ANK2: variants seen among roughly 807,000 people sequenced by gnomAD.
ANK2 encodes ankyrin-2.
In ANK2, 83 loss-of-function variants were observed where a neutral mutation model predicts 360.5. The observed-to-expected ratio is 0.23, with a 90% CI of 0.19 to 0.28. The LOEUF (loss-of-function observed/expected upper bound fraction) is 0.28. Among genes scored for constraint, ANK2 ranks in the 10% least tolerant of loss-of-function variants. The pLI, the probability that ANK2 is intolerant of heterozygous loss-of-function variation, is 1.00. For synonymous variants in ANK2, 1,740 were observed against 1,759.5 expected, an observed-to-expected ratio of 0.99 and a Z score of 0.28; for missense variants, 4,201 against 4,795.7, an observed-to-expected ratio of 0.88 and a Z score of 3.66.
chr4:112,842,120 C>T (rs891822453), intron 1 of ANK2, among the ~76,000 whole-genome samples: 3 of 152,040 alleles, frequency 2.0e-5, no homozygotes, highest in African/African-American at 7.2e-5. Flanking sequence ...AGTGATTCTC[C>T]TGCCTCAGCC....
Position 113,358,863 on chromosome 4 carries a change from A to G in ANK2, c.10245A>G (p.Thr3415=), listed in dbSNP as rs993871776. 3 of 1,614,004 alleles carry G rather than the reference A, an allele frequency of 1.9e-6. No individual in the cohort carries two copies. The highest frequency in any genetic ancestry group is 2.5e-6 in the Non-Finnish European group (3 of 1,179,968). Residue 3415 remains threonine, a synonymous_variant, in exon 38 of 46, where the codon ACA becomes ACG. Transcript: ENST00000357077. ...CCCGAAGTTACACTGAGACAGAAAC[A>G]GAGAGCAGAGAGAGGGCCGAGGAAC... The part of the protein sequence containing the change: ...VKTRSYTETE[T]ESRERAEELE...
rs1027082807 is a variant in ANK2 at position 113,201,817 on chromosome 4, C to T, written c.384+2708C>T. 5.9e-5 allele frequency among the ~76,000 whole-genome samples: 9 copies of T among 152,162 alleles called. No homozygotes were observed. The East Asian group carries it at 1.5e-3, about 26-fold the overall frequency. ...CTAAAACCATTTAATCATTAACTCGCTTTCAGAGTCAGAGGCTTTTATTTA... is the reference window on the plus strand; with the variant it reads ...CTAAAACCATTTAATCATTAACTCGTTTTCAGAGTCAGAGGCTTTTATTTA... On this transcript the variant is annotated intron_variant, in intron 4 of 45. Coordinates refer to ENST00000357077, the MANE Select transcript of ANK2 (RefSeq NM_001148.6).
At chr4:113,299,138 A>C (rs1263312539) in intron 22 of ANK2, among the ~76,000 whole-genome samples, 1 of 152,184 alleles carries the variant, frequency 6.6e-6, no homozygotes, top group Non-Finnish European at 1.5e-5. Flanking sequence ...GCATTCAGTG[A>C]CCAAACTGAA....
At chr4:113,256,463 AC>A (rs1162183787) in intron 11 of ANK2, among the ~76,000 whole-genome samples, 1 of 152,208 alleles carries the variant, frequency 6.6e-6, no homozygotes, top group East Asian at 1.9e-4. Flanking sequence ...CTAGTGTGTT[AC>A]GGCTTCAGGG....
At chr4:113,206,750 G>A (rs776581929) in intron 4 of ANK2, among the ~76,000 whole-genome samples, 20 of 152,148 alleles carry the variant, frequency 1.3e-4, no homozygotes, top group Non-Finnish European at 2.4e-4. Flanking sequence ...CAGGCTGGGT[G>A]CGGTGACTCA....
the ANK2 span, among the ~76,000 whole-genome samples, chr4:112,798,912 A>G: frequency 6.6e-6 from 1 of 152,154 alleles, no homozygotes; most frequent in Non-Finnish European, 1.5e-5. Context: ...AACCATTACC[A>G]CTATCTGTCT....
intron 2 of ANK2, among the ~76,000 whole-genome samples, chr4:113,183,917 C>T (rs1352202112): frequency 1.3e-5 from 2 of 151,424 alleles, no homozygotes; most frequent in Non-Finnish European, 2.9e-5. Context: ...CTGATGACAT[C>T]AGGAGGTTTA....
chr4:112,943,823 A>G (rs2094391421), intron 2 of ANK2, among the ~76,000 whole-genome samples: 1 of 152,122 alleles, frequency 6.6e-6, no homozygotes, highest in South Asian at 2.1e-4. Flanking sequence ...GGTAGTGGGA[A>G]GAGATTACTT....
chr4:112,838,166 A>T (rs763673085), intron 1 of ANK2, among the ~76,000 whole-genome samples: 3 of 152,156 alleles, frequency 2.0e-5, no homozygotes, highest in Non-Finnish European at 4.4e-5. Flanking sequence ...GTGAGTTCTC[A>T]TGAGAGCTGA....
At chr4:113,097,879 C>CATATATATATAT (rs1355191650) in intron 1 of ANK2, among the ~76,000 whole-genome samples, 11 of 57,886 alleles carry the variant, frequency 1.9e-4, no homozygotes, top group African/African-American at 1.3e-3. Context: ...TATATATGCA[C>CATATATATATAT]ACACACACAC....
At chr4:113,294,832 T>C (rs923992176) in intron 22 of ANK2, among the ~76,000 whole-genome samples, 7 of 152,218 alleles carry the variant, frequency 4.6e-5, no homozygotes, top group Non-Finnish European at 8.8e-5. Flanking sequence ...AGCACCATAC[T>C]TGTAGGTCAC....
At chr4:113,275,122 A>G (rs1275475828) in intron 15 of ANK2, among the ~76,000 whole-genome samples, 3 of 152,212 alleles carry the variant, frequency 2.0e-5, no homozygotes, top group Non-Finnish European at 4.4e-5. Context: ...CTTATTTGAC[A>G]TTCTCATTCC....
chr4:113,238,157 G>T (rs965789763), intron 7 of ANK2, among the ~76,000 whole-genome samples: 7 of 151,992 alleles, frequency 4.6e-5, no homozygotes, highest in African/African-American at 1.7e-4. Flanking sequence ...TCATGGAATT[G>T]TATATTTTCC....
At chr4:112,890,924 T>G (rs776631987) in intron 1 of ANK2, among the ~76,000 whole-genome samples, 8 of 152,326 alleles carry the variant, frequency 5.3e-5, no homozygotes, top group Admixed American at 6.5e-5. Flanking sequence ...GACTTTTTAA[T>G]CCTTCTAAGA....
intron 4 of ANK2, among the ~76,000 whole-genome samples, chr4:113,210,749 T>G (rs2099012291): frequency 2.0e-5 from 3 of 152,196 alleles, no homozygotes; most frequent in Non-Finnish European, 4.4e-5. Context: ...AGGGGCACTC[T>G]ACGTTAGTTG....
chr4:112,944,866 T>C lies in ANK2; in HGVS notation c.21+40352T>C, dbSNP rs141239947. The stretch of plus-strand genomic sequence containing the variant: ...ATTCAGGTAGCTCTCCCTCTGAGAG[T>C]TGATTATCTTTTAGGAAAAAGTACC... On this transcript the variant is annotated intron_variant, in intron 2 of 30. Transcript: ENST00000503271. Among the ~76,000 whole-genome samples, 595 of 152,274 alleles carry C rather than the reference T, an allele frequency of 3.9e-3. 11 individuals carry two copies. Among genetic ancestry groups the C allele is most frequent in the Non-Finnish European group, 1.2e-3 (83 of 68,018 alleles).
rs549247445 is a variant in ANK2, at chr4:113,290,322, T to C, written c.2277+1836T>C. ...GAAAATGACATCTTTGGGAAAGGAA[T>C]TAGGTTTTCTTCCTCATATCTTATG... On this transcript the variant is annotated intron_variant, in intron 20 of 45. Transcript: ENST00000357077. Among the ~76,000 whole-genome samples, 3 of 152,204 alleles carry C rather than the reference T, an allele frequency of 2.0e-5. No homozygotes were observed. In the South Asian group the frequency reaches 6.2e-4, roughly 32 times the overall value.
At chr4:112,738,543 C>G in the ANK2 span, 2 of 388,644 alleles carry the variant, frequency 5.1e-6, no homozygotes, top group Non-Finnish European at 9.9e-6. Context: ...CTGTATGCTG[C>G]AGGTAGCTAG....
the ANK2 span, chr4:112,738,802 G>C: frequency 8.0e-6 from 5 of 624,418 alleles, no homozygotes; most frequent in Middle Eastern, 2.7e-4. Flanking sequence ...ATTGACAACA[G>C]GGTTCATAGA....
Sources: allele counts gnomAD v4.1 joint callset (sites outside exome capture counted in the v4.1 genomes callset), GRCh38; gene constraint gnomAD v4.1.1; transcripts MANE v1.5; gene names NCBI Gene and HGNC (gene_info 2026-07-23, HGNC 2026-07-21).